FGD4: variants seen among roughly 807,000 people sequenced by gnomAD.
FGD4 encodes FYVE, RhoGEF and PH domain containing 4, also known as FYVE, RhoGEF and PH domain-containing protein 4.
FGD4 carries 42 observed loss-of-function variants against 102.0 expected under a neutral mutation model. That is an observed-to-expected ratio of 0.41 (90% CI 0.32 to 0.53). FGD4 has a LOEUF of 0.53. Among genes scored for constraint, FGD4 ranks in the 20% least tolerant of loss-of-function variants. FGD4 has a pLI of 0.21. For synonymous variants in FGD4, 380 were observed against 375.7 expected (o/e 1.01, Z -0.13); for missense variants, 902 against 1,078.2 (o/e 0.84, Z 2.29).
chr12:32,564,347 A>G, intron 2 of FGD4, 58 bp downstream of exon 2: 1 of 1,504,116 alleles, frequency 6.6e-7, no homozygotes, highest in Non-Finnish European at 8.8e-7. Flanking sequence ...ATGAAGGCTA[A>G]CCAGAAAAAT....
chr12:32,448,256 G>A (rs1305509815), intron 1 of FGD4, among the ~76,000 whole-genome samples: 1 of 152,152 alleles, frequency 6.6e-6, no homozygotes, highest in Non-Finnish European at 1.5e-5. Context: ...TGGTGTTAGA[G>A]GTATTAGGAT....
intron 1 of FGD4, among the ~76,000 whole-genome samples, chr12:32,400,906 C>T (rs1370306684): frequency 6.6e-6 from 1 of 152,094 alleles, no homozygotes; most frequent in East Asian, 1.9e-4. Flanking sequence ...AGTCCTGGTT[C>T]TGAACTTGTA....
At chr12:32,402,945 T>C (rs1940752181) in intron 1 of FGD4, among the ~76,000 whole-genome samples, 1 of 152,130 alleles carries the variant, frequency 6.6e-6, no homozygotes, top group Admixed American at 6.6e-5. Flanking sequence ...ATTAGTTCAA[T>C]AGTATCATTA....
At chr12:32,413,459 A>G (rs1941287215) in intron 1 of FGD4, among the ~76,000 whole-genome samples, 1 of 152,158 alleles carries the variant, frequency 6.6e-6, no homozygotes, top group South Asian at 2.1e-4. Context: ...TGTTAGCAGT[A>G]TTGGTAATTT....
At chr12:32,509,198 C>T (rs192966941) in intron 1 of FGD4, among the ~76,000 whole-genome samples, 3 of 150,790 alleles carry the variant, frequency 2.0e-5, no homozygotes, top group East Asian at 3.9e-4. Context: ...AAAAATACCT[C>T]GATCTGTTCT....
At chr12:32,423,953 A>G (rs1056051263) in intron 1 of FGD4, among the ~76,000 whole-genome samples, 2 of 151,472 alleles carry the variant, frequency 1.3e-5, no homozygotes, top group Non-Finnish European at 2.9e-5. Context: ...TCTAAATTCC[A>G]CACATAAGCT....
At chr12:32,475,658 A>C (rs1943566185) in intron 1 of FGD4, among the ~76,000 whole-genome samples, 1 of 152,206 alleles carries the variant, frequency 6.6e-6, no homozygotes, top group Non-Finnish European at 1.5e-5. Flanking sequence ...GTTTTAATAA[A>C]ATCTCCGGGT....
intron 1 of FGD4, chr12:32,534,452 G>C (rs1353174819): frequency 1.3e-6 from 2 of 1,525,584 alleles, no homozygotes; most frequent in Middle Eastern, 1.7e-4. Context: ...TATTAAACCA[G>C]AGTAGATTAA....
intron 13 of FGD4, 46 bp from the exon 14 acceptor site, chr12:32,625,608 A>G: frequency 6.3e-7 from 1 of 1,588,586 alleles, no homozygotes; most frequent in East Asian, 2.3e-5. Flanking sequence ...ATAAAAGGGA[A>G]TTATAGTTTT....
At chr12:32,634,733 G>A (rs1156508045) in intron 15 of FGD4, among the ~76,000 whole-genome samples, 1 of 152,186 alleles carries the variant, frequency 6.6e-6, no homozygotes, top group Non-Finnish European at 1.5e-5. Flanking sequence ...GCTCATGCCT[G>A]TAATCCCAGC....
chr12:32,625,138 A>ATTT (rs200906115), intron 13 of FGD4, 70 bp downstream of exon 13: 21,383 of 1,345,300 alleles, frequency 0.016, 353 homozygotes, highest in South Asian at 0.056. Flanking sequence ...CTGTCTAATC[A>ATTT]TTTTGTTCTC....
intron 1 of FGD4, among the ~76,000 whole-genome samples, chr12:32,450,881 C>T (rs1942755340): frequency 6.6e-6 from 1 of 152,172 alleles, no homozygotes; most frequent in African/African-American, 2.4e-5. Context: ...AACTTACTTA[C>T]TTAGTCAATC....
intron 4 of FGD4, among the ~76,000 whole-genome samples, chr12:32,591,112 C>A (rs1330352632): frequency 6.6e-6 from 1 of 152,076 alleles, no homozygotes; most frequent in Non-Finnish European, 1.5e-5. Flanking sequence ...AGAGAATGGG[C>A]TTTAGGGACC....
intron 1 of FGD4, among the ~76,000 whole-genome samples, chr12:32,481,640 G>C (rs561314411): frequency 6.6e-6 from 1 of 152,116 alleles, no homozygotes; most frequent in South Asian, 2.1e-4. Flanking sequence ...GACCAACAAG[G>C]TGAAACCCTG....
intron 1 of FGD4, among the ~76,000 whole-genome samples, chr12:32,543,818 G>A (rs1444603861): frequency 2.0e-5 from 3 of 151,852 alleles, no homozygotes; most frequent in Non-Finnish European, 4.4e-5. Context: ...TAGTAGAGAC[G>A]GGGTTTCACC....
chr12:32,535,492 T>C (rs1185290036), intron 1 of FGD4, among the ~76,000 whole-genome samples: 1 of 152,140 alleles, frequency 6.6e-6, no homozygotes, highest in African/African-American at 2.4e-5. Flanking sequence ...GCGGGAGGGT[T>C]AAGCAGCCCA....
At chr12:32,411,777 C>A (rs1398108163) in intron 1 of FGD4, among the ~76,000 whole-genome samples, 1 of 152,160 alleles carries the variant, frequency 6.6e-6, no homozygotes, top group Non-Finnish European at 1.5e-5. Flanking sequence ...GAGTTCTAGA[C>A]CAGCCTGACC....
chr12:32,512,717 T>C (rs1458545729), intron 1 of FGD4, among the ~76,000 whole-genome samples: 1 of 152,142 alleles, frequency 6.6e-6, no homozygotes, highest in African/African-American at 2.4e-5. Flanking sequence ...CTTTCTCTCC[T>C]AGGGAGCATA....
At chr12:32,539,367 C>G (rs1008292471) in intron 1 of FGD4, among the ~76,000 whole-genome samples, 2 of 152,022 alleles carry the variant, frequency 1.3e-5, no homozygotes, top group Non-Finnish European at 2.9e-5. Flanking sequence ...GTTGGGAGTT[C>G]AAGACCAGCC....
Sources: allele counts gnomAD v4.1 joint callset (sites outside exome capture counted in the v4.1 genomes callset), GRCh38; gene constraint gnomAD v4.1.1; transcripts MANE v1.5; gene names NCBI Gene and HGNC (gene_info 2026-07-23, HGNC 2026-07-21).